PRICKLE1: variants seen among roughly 807,000 people sequenced by gnomAD.
PRICKLE1 encodes the protein prickle-like protein 1.
Under a neutral mutation model 70.2 loss-of-function variants are expected in PRICKLE1, and 14 were observed. The ratio of observed to expected loss-of-function variants is 0.20; its 90% CI spans 0.13 to 0.31. The LOEUF is 0.31. Ranked by LOEUF, PRICKLE1 falls within the 10% of genes least tolerant of loss-of-function variation. The pLI is 1.00. For missense variants in PRICKLE1, 821 were observed against 1,026.2 expected (o/e 0.80, Z 2.73); for synonymous variants, 357 against 379.9 (o/e 0.94, Z 0.70).
chr12:42,462,363 G>A (rs1299386881), intron 7 of PRICKLE1, among the ~76,000 whole-genome samples: 1 of 151,954 alleles, frequency 6.6e-6, no homozygotes, highest in Non-Finnish European at 1.5e-5. Flanking sequence ...ACCATGCCTG[G>A]CTAATTTTCG....
In PRICKLE1 at chr12:42,500,847, A is replaced by C. The variant is rs77870946; in HGVS notation, c.-48-28283T>G. Among the ~76,000 whole-genome samples the C allele has an allele frequency of 4.1e-4, 63 of 152,336 alleles. No homozygotes were observed. The East Asian group carries it at 0.012, about 28-fold the overall frequency. ...TCGTATCACATGGGCTTGTAAAGAC[A>C]ATCTACTTTCTGCTGAAGACCAAAC... On this transcript the variant is annotated intron_variant, in intron 1 of 7. Coordinates refer to ENST00000345127, the MANE Select transcript of PRICKLE1 (RefSeq NM_153026.3).
intron 1 of PRICKLE1, among the ~76,000 whole-genome samples, chr12:42,584,942 G>A (rs1488780102): frequency 6.6e-6 from 1 of 152,188 alleles, no homozygotes; most frequent in Non-Finnish European, 1.5e-5. Flanking sequence ...GCAGAAGCTG[G>A]TGGGTGCTAT....
At chr12:42,548,898 A>G (rs1441739124) in intron 1 of PRICKLE1, among the ~76,000 whole-genome samples, 1 of 152,154 alleles carries the variant, frequency 6.6e-6, no homozygotes, top group Non-Finnish European at 1.5e-5. Context: ...AGGCAGGTGG[A>G]TCAGTTGAGG....
intron 1 of PRICKLE1, among the ~76,000 whole-genome samples, chr12:42,486,020 C>T (rs1482314257): frequency 6.6e-6 from 1 of 152,170 alleles, no homozygotes; most frequent in Non-Finnish European, 1.5e-5. Context: ...GAATGGAGAG[C>T]AAGGCCCCCA....
At chr12:42,555,568 G>T (rs1263422614) in intron 1 of PRICKLE1, among the ~76,000 whole-genome samples, 4 of 151,950 alleles carry the variant, frequency 2.6e-5, no homozygotes, top group African/African-American at 9.7e-5. Context: ...TCTTATAAGG[G>T]AACACAAAGA....
chr12:42,488,274 A>G (rs1309339496), intron 1 of PRICKLE1, among the ~76,000 whole-genome samples: 1 of 152,184 alleles, frequency 6.6e-6, no homozygotes, highest in African/African-American at 2.4e-5. Context: ...TATGACACTA[A>G]TACCAGATAG....
At chr12:42,484,987 T>C (rs1938948824) in intron 1 of PRICKLE1, among the ~76,000 whole-genome samples, 1 of 151,882 alleles carries the variant, frequency 6.6e-6, no homozygotes, top group African/African-American at 2.4e-5. Context: ...TATCAGTAAA[T>C]AAAAGCAATT....
In PRICKLE1 at chr12:42,560,379, C is replaced by T. The variant is rs142280021; in HGVS notation, c.-49+29086G>A. Among the ~76,000 whole-genome samples, 469 of 151,978 alleles carry T rather than the reference C, an allele frequency of 3.1e-3. 2 individuals are homozygous for T. The highest frequency in any genetic ancestry group is 0.01 in the African/African-American group (426 of 41,448). On this transcript the variant is annotated intron_variant, in intron 1 of 7. Coordinates refer to ENST00000345127, the MANE Select transcript of PRICKLE1 (RefSeq NM_153026.3). The stretch of plus-strand genomic sequence containing the variant: ...GAACTCCTGACCTCAGGTGATCCAC[C>T]CGCCTCGGCTTCCCAAAGTGCTGGG...
At chr12:42,537,648 T>C (rs1940037209) in intron 1 of PRICKLE1, among the ~76,000 whole-genome samples, 1 of 152,222 alleles carries the variant, frequency 6.6e-6, no homozygotes, top group Non-Finnish European at 1.5e-5. Flanking sequence ...CAGACAGTGA[T>C]TGAAGCCTTG....
At chr12:42,472,745 T>C (rs1171624401) in intron 1 of PRICKLE1, among the ~76,000 whole-genome samples, 181 bp from the exon 2 acceptor site, 1 of 152,126 alleles carries the variant, frequency 6.6e-6, no homozygotes, top group Non-Finnish European at 1.5e-5. Flanking sequence ...TAGAGCTATA[T>C]AATTTGGTAG....
intron 1 of PRICKLE1, among the ~76,000 whole-genome samples, chr12:42,523,024 C>T (rs898653823): frequency 8.6e-5 from 13 of 150,762 alleles, no homozygotes; most frequent in Non-Finnish European, 1.9e-4. Flanking sequence ...TGCAGTGGCA[C>T]GATCTCGGCT....
intron 1 of PRICKLE1, among the ~76,000 whole-genome samples, chr12:42,553,469 A>C (rs1940360666): frequency 6.9e-6 from 1 of 144,294 alleles, no homozygotes; most frequent in African/African-American, 2.5e-5. Context: ...GTTTTTCTCC[A>C]AACAATAAGT....
At chr12:42,506,342 T>C (rs1939415142) in intron 1 of PRICKLE1, among the ~76,000 whole-genome samples, 1 of 148,646 alleles carries the variant, frequency 6.7e-6, no homozygotes, top group Non-Finnish European at 1.5e-5. Flanking sequence ...CTGAAAACTC[T>C]GCCTCCTGGG....
At chr12:42,560,897 T>C (rs1388480306) in intron 1 of PRICKLE1, among the ~76,000 whole-genome samples, 1 of 152,116 alleles carries the variant, frequency 6.6e-6, no homozygotes, top group Admixed American at 6.6e-5. Context: ...ATAAAAATTA[T>C]TAATAGAGTC....
At chr12:42,563,465 C>T (rs563341324) in intron 1 of PRICKLE1, among the ~76,000 whole-genome samples, 5 of 151,162 alleles carry the variant, frequency 3.3e-5, no homozygotes, top group South Asian at 2.1e-4. Flanking sequence ...TTTGAGAGGC[C>T]GAGGCGGGCA....
intron 2 of PRICKLE1, 68 bp downstream of exon 2, chr12:42,472,317 A>T: frequency 6.4e-7 from 1 of 1,562,914 alleles, no homozygotes; most frequent in Non-Finnish European, 8.8e-7. Context: ...CCATTTACAA[A>T]ATAATGTTCT....
At chr12:42,540,478 C>T (rs1940092162) in intron 1 of PRICKLE1, among the ~76,000 whole-genome samples, 1 of 152,082 alleles carries the variant, frequency 6.6e-6, no homozygotes, top group Non-Finnish European at 1.5e-5. Context: ...AAATATTTAG[C>T]ATATAGTAAG....
intron 1 of PRICKLE1, among the ~76,000 whole-genome samples, chr12:42,512,545 T>C (rs903910020): frequency 1.3e-5 from 2 of 152,206 alleles, no homozygotes; most frequent in Non-Finnish European, 2.9e-5. Context: ...GTCTACCTTA[T>C]TTAAAACTGT....
In PRICKLE1 at chr12:42,527,169, G is replaced by A. The variant is rs114525792; in HGVS notation, c.-48-54605C>T. ...TTTTTTTGGGACGGAGTCTCACTCT[G>A]TAGCCCCGGATGGAGTGCAGTGGCA... On this transcript the variant is annotated intron_variant, in intron 1 of 7. Coordinates refer to ENST00000345127, the MANE Select transcript of PRICKLE1 (RefSeq NM_153026.3). 6.3e-3 allele frequency among the ~76,000 whole-genome samples: 675 copies of A among 107,366 alleles called. 4 individuals carry two copies. Among genetic ancestry groups the A allele is most frequent in the African/African-American group, 0.024 (643 of 27,144 alleles). The allele number at this position is 107,366 out of a possible 152,430, so 70.4% of individuals were successfully genotyped here.
Sources: gnomAD v4.1 joint callset for allele counts (sites outside exome capture counted in the v4.1 genomes callset) on GRCh38, gnomAD v4.1.1 for gene constraint, MANE v1.5 for transcripts, NCBI Gene and HGNC (gene_info 2026-07-23, HGNC 2026-07-21) for gene names.